The following EPS15L1 variants were observed in gnomAD, a reference collection of about 807,000 sequenced individuals.
EPS15L1 encodes the protein epidermal growth factor receptor pathway substrate 15 like 1, also known as epidermal growth factor receptor substrate 15-like 1.
Under a neutral mutation model 117.1 loss-of-function variants are expected in EPS15L1, and 43 were observed. The observed-to-expected ratio is 0.37, with a 90% confidence interval of 0.29 to 0.47. The LOEUF is 0.47. EPS15L1 is among the 20% of genes least tolerant of loss of function. The probability of loss-of-function intolerance (pLI) is 0.99; values close to 1 mark genes in which losing one functional copy is unlikely to be tolerated. For synonymous variants in EPS15L1, 459 were observed against 470.5 expected (o/e 0.98, Z 0.32); for missense variants, 981 against 1,164.0 (o/e 0.84, Z 2.29).
chr19:16,366,041 G>T (rs2092128710), intron 22 of EPS15L1, among the ~76,000 whole-genome samples: 1 of 152,196 alleles, frequency 6.6e-6, no homozygotes, highest in Non-Finnish European at 1.5e-5. Context: ...GTGCATGCTT[G>T]GGTATTTGAT....
rs1434148303 is a variant in EPS15L1, at chr19:16,370,038, A to G, written c.2380+7084T>C. 4.6e-5 allele frequency among the ~76,000 whole-genome samples: 7 copies of G among 152,180 alleles called. No homozygotes were observed. The highest frequency in any genetic ancestry group is 1.0e-4 in the Non-Finnish European group (7 of 68,000). On this transcript the variant is annotated intron_variant, in intron 22 of 23. Transcript: ENST00000455140. This position sits in a 1 kb window ranked among gnomAD's most constrained non-coding sequence, Gnocchi z 5.2. ...AAGGGTAGGAAGGCGCCTTGCCCAC[A>G]TGTAACAAGATCCCTGAGAACGCCG...
intron 15 of EPS15L1, 90 bp from the exon 16 acceptor site, chr19:16,402,575 T>G (rs1317754196): frequency 1.6e-6 from 2 of 1,230,242 alleles, no homozygotes; most frequent in Non-Finnish European, 2.2e-6. Context: ...AGGGTCTCAC[T>G]CTGTCACCCA....
intron 16 of EPS15L1, among the ~76,000 whole-genome samples, chr19:16,400,092 T>C (rs995904826): frequency 6.6e-6 from 1 of 152,054 alleles, no homozygotes; most frequent in East Asian, 1.9e-4. Flanking sequence ...ATCCCAGCAT[T>C]TGGGGAGGTC....
At chr19:16,445,495 C>T (rs1412122006) in intron 1 of EPS15L1, among the ~76,000 whole-genome samples, 2 of 152,240 alleles carry the variant, frequency 1.3e-5, no homozygotes, top group South Asian at 2.1e-4. Flanking sequence ...CAGGCCCCAA[C>T]TGCCACTTCC....
At chr19:16,375,702 G>T (rs1448773041) in intron 22 of EPS15L1, among the ~76,000 whole-genome samples, 1 of 152,218 alleles carries the variant, frequency 6.6e-6, no homozygotes, top group Non-Finnish European at 1.5e-5. Context: ...TTACGCATCT[G>T]TATCTGCTCA....
intron 22 of EPS15L1, 49 bp from the exon 23 acceptor site, chr19:16,362,033 T>G: frequency 4.9e-5 from 72 of 1,472,296 alleles, no homozygotes; most frequent in Non-Finnish European, 6.1e-5. Flanking sequence ...AAATATGAGT[T>G]ACTCACCCGG....
At chr19:16,378,945 T>A (rs1300319361) in intron 21 of EPS15L1, among the ~76,000 whole-genome samples, 1 of 152,090 alleles carries the variant, frequency 6.6e-6, no homozygotes, top group Non-Finnish European at 1.5e-5. Context: ...TAGGAAATTA[T>A]AGGACAAAGA....
intron 1 of EPS15L1, among the ~76,000 whole-genome samples, chr19:16,455,816 TGGCTCCA>T (rs1185674021): frequency 1.3e-5 from 2 of 152,168 alleles, no homozygotes; most frequent in African/African-American, 4.8e-5. Context: ...CTCCTTCCAC[TGGCTCCA>T]GGTAAAAATG....
intron 17 of EPS15L1, among the ~76,000 whole-genome samples, chr19:16,395,105 G>C (rs1024101360): frequency 2.7e-5 from 4 of 150,588 alleles, no homozygotes; most frequent in African/African-American, 9.8e-5. Context: ...TGAGGCAGGA[G>C]AATTGCTTGA....
At chr19:16,380,486 C>A (rs2092348963) in intron 21 of EPS15L1, among the ~76,000 whole-genome samples, 1 of 151,338 alleles carries the variant, frequency 6.6e-6, no homozygotes, top group Admixed American at 6.6e-5. Flanking sequence ...AGACATGGCC[C>A]TCTAAGGTTC....
At chr19:16,449,119 A>T (rs1048612478) in intron 1 of EPS15L1, among the ~76,000 whole-genome samples, 1 of 151,952 alleles carries the variant, frequency 6.6e-6, no homozygotes, top group Non-Finnish European at 1.5e-5. Flanking sequence ...ACATGAAATT[A>T]AAAAACTAGC....
rs1210394354 is a variant in EPS15L1, at chr19:16,370,372, C to CT, written c.2380+6749dup. Reference sequence around the variant, plus strand: ...CACCCAGAGCCCCCTTCTGAGGCGTCTGCCCCAGCCCTCACCTCCCTCAGG... The same window carrying CT: ...CACCCAGAGCCCCCTTCTGAGGCGTCTTGCCCCAGCCCTCACCTCCCTCAGG... On this transcript the variant is annotated intron_variant, in intron 22 of 23. Transcript: ENST00000455140. The surrounding 1 kb of genome is among the most constrained non-coding windows in gnomAD (Gnocchi z 5.2). 6.6e-6 allele frequency among the ~76,000 whole-genome samples: 1 copy of CT among 152,162 alleles called. No homozygotes were observed. Among genetic ancestry groups the CT allele is most frequent in the Non-Finnish European group, 1.5e-5 (1 of 68,014 alleles).
At chr19:16,408,094 G>A (rs73931913) in intron 13 of EPS15L1, among the ~76,000 whole-genome samples, 3,018 of 152,198 alleles carry the variant, frequency 0.02, 110 homozygotes, top group African/African-American at 0.069. Flanking sequence ...GCCGGATGGG[G>A]TAGCTCTGGA....
chr19:16,452,780 C>A (rs571784445), intron 1 of EPS15L1, among the ~76,000 whole-genome samples: 1 of 151,950 alleles, frequency 6.6e-6, no homozygotes, highest in Non-Finnish European at 1.5e-5. Context: ...CTTCCCTCTA[C>A]ATCTATTTTA....
At chr19:16,378,085 G>A (rs1285628432) in intron 21 of EPS15L1, among the ~76,000 whole-genome samples, 1 of 152,150 alleles carries the variant, frequency 6.6e-6, no homozygotes. Context: ...AGACATATAT[G>A]TGGATTAATG....
chr19:16,398,300 G>A (rs1161706849), intron 16 of EPS15L1, among the ~76,000 whole-genome samples: 1 of 152,208 alleles, frequency 6.6e-6, no homozygotes, highest in African/African-American at 2.4e-5. Context: ...AGAATAGCTG[G>A]AGCCTCCGAC....
intron 10 of EPS15L1, among the ~76,000 whole-genome samples, chr19:16,419,924 G>A (rs1295079818): frequency 2.0e-5 from 3 of 152,122 alleles, no homozygotes. Context: ...CCCACCTGTG[G>A]AAGGTTCTGA....
Position 16,414,320 on chromosome 19 carries a change from C to A in EPS15L1, c.1194-475G>T, listed in dbSNP as rs184395500. ...CTAGAAACAGATTCTTCCCCTAGAG[C>A]CTCCAACAAGAGCCCAGCCCAGCCG... is the stretch of plus-strand genomic sequence containing the variant. On this transcript the variant is annotated intron_variant, in intron 12 of 23. Coordinates refer to ENST00000455140, the MANE Select transcript of EPS15L1 (RefSeq NM_001258374.3). 1.9e-3 allele frequency among the ~76,000 whole-genome samples: 292 copies of A among 152,288 alleles called. 1 individual carries two copies. The highest frequency in any genetic ancestry group is 6.8e-3 in the African/African-American group (281 of 41,562).
chr19:16,355,930 G>C (rs2091973833), intron 23 of EPS15L1, 79 bp from the exon 24 acceptor site: 2 of 1,492,316 alleles, frequency 1.3e-6, no homozygotes, highest in East Asian at 4.9e-5. Context: ...GGGAATGCGT[G>C]GGAGGGGTCA....
Sources: allele counts gnomAD v4.1 joint callset (sites outside exome capture counted in the v4.1 genomes callset), GRCh38; gene constraint gnomAD v4.1.1; non-coding constraint Gnocchi (gnomAD v3.1); transcripts MANE v1.5; gene names NCBI Gene and HGNC (gene_info 2026-07-23, HGNC 2026-07-21).